IMPG2: variants seen among roughly 807,000 people sequenced by gnomAD.
The protein encoded by IMPG2 is IPM 200.
A neutral mutation model predicts 129.2 loss-of-function variants in IMPG2; 91 were observed. The ratio of observed to expected loss-of-function variants is 0.70; its 90% confidence interval spans 0.59 to 0.84. IMPG2 has a LOEUF of 0.84. Ranked by LOEUF, IMPG2 falls within the 40% of genes least tolerant of loss-of-function variation. The pLI, the probability that IMPG2 is intolerant of heterozygous loss-of-function variation, is 0.00. For synonymous variants in IMPG2, 510 were observed against 517.7 expected (o/e 0.99, Z 0.20); for missense variants, 1,430 against 1,461.7 (o/e 0.98, Z 0.35).
At chr3:101,309,595 C>G (rs1707239652) in intron 2 of IMPG2, among the ~76,000 whole-genome samples, 1 of 152,114 alleles carries the variant, frequency 6.6e-6, no homozygotes, top group South Asian at 2.1e-4. Flanking sequence ...AACCACCCCC[C>G]ATGATCTAAT....
At chr3:101,316,205 C>T (rs1235302645) in intron 2 of IMPG2, among the ~76,000 whole-genome samples, 1 of 151,830 alleles carries the variant, frequency 6.6e-6, no homozygotes, top group Non-Finnish European at 1.5e-5. Flanking sequence ...CTTGGGTTAG[C>T]AAACTAAGAT....
In IMPG2 at chr3:101,223,646, G is replaced by A. The variant is rs566927329; in HGVS notation, c.*3323C>T. 1 of 152,308 alleles carries A rather than the reference G, an allele frequency of 6.6e-6. No individual in the cohort carries two copies. Among genetic ancestry groups the A allele is most frequent in the East Asian group, 1.9e-4 (1 of 5,186 alleles). 9.4% of individuals were successfully genotyped at this position (152,308 alleles called of 1,614,324 possible). A position where few individuals can be genotyped will look rare whatever the true frequency, so the allele number is the denominator to read the frequency against. ...CTTTTAGAGCCTACAAAGAATATTTGTGCAGTTTCCAGCTTTTTGTTAGAG... is the reference window on the plus strand; with the variant it reads ...CTTTTAGAGCCTACAAAGAATATTTATGCAGTTTCCAGCTTTTTGTTAGAG... On this transcript the variant is annotated 3_prime_UTR_variant, in exon 19 of 19. Coordinates refer to ENST00000193391, the MANE Select transcript of IMPG2 (RefSeq NM_016247.4).
At chr3:101,319,003 T>G (rs992952884) in intron 2 of IMPG2, among the ~76,000 whole-genome samples, 5 of 152,080 alleles carry the variant, frequency 3.3e-5, no homozygotes, top group African/African-American at 1.2e-4. Flanking sequence ...CTGCAGAATA[T>G]CTAAACTATA....
At position 101,281,179 on chromosome 3, in the gene IMPG2, G is replaced by T. The variant is rs149452520; in HGVS notation, c.534-4466C>A. On this transcript the variant is annotated intron_variant, in intron 4 of 18. Coordinates refer to ENST00000193391, the MANE Select transcript of IMPG2 (RefSeq NM_016247.4). The stretch of plus-strand genomic sequence containing the variant: ...ATATCCTAGGATGAGCCTTGCACTC[G>T]TTATTGGGGATGTAACCGTAAAACC... 6.8e-3 allele frequency among the ~76,000 whole-genome samples: 1,039 copies of T among 152,292 alleles called. 11 individuals carry two copies. Among genetic ancestry groups the T allele is most frequent in the African/African-American group, 0.017 (726 of 41,556 alleles).
Position 101,228,841 on chromosome 3 carries a change from A to C in IMPG2, c.3669T>G (p.Tyr1223Ter). 2 of 1,614,020 alleles carry C rather than the reference A, an allele frequency of 1.2e-6. No homozygotes were observed. The highest frequency in any genetic ancestry group is 1.7e-6 in the Non-Finnish European group (2 of 1,179,914). Residue 1223 changes from tyrosine (Y) to a stop codon, truncating the protein, a stop_gained, in exon 18 of 19, where the codon TAT becomes TAG. Transcript: ENST00000193391. LOFTEE classifies it high-confidence loss of function. ...IQERMRVLEL[Y>*]ANDPEFAAFV... ...AAGCTGCAAACTCAGGATCATTGGC[A>C]TACAGTTCCAAAACTCTCATTCTCT...
In IMPG2 at chr3:101,269,564, C is replaced by A. The variant is rs777933245; in HGVS notation, c.838G>T (p.Ala280Ser). 2.5e-5 allele frequency: 40 copies of A among 1,581,352 alleles called. No individual in the cohort carries two copies. Among genetic ancestry groups the A allele is most frequent in the African/African-American group, 2.7e-5 (2 of 74,188 alleles). ...TTGTAGCCTGGTAACCCAGTAAATG[C>A]ATTTTCAACCTGTTAAAAGTACAAA... The part of the protein sequence containing the change: ...EEEFISEVEN[A>S]FTGLPGYKEI... Residue 280 changes from alanine (A) to serine (S), a missense_variant, in exon 8 of 19, where the codon GCA becomes TCA. Ala to Ser is a moderately conservative substitution (Grantham distance 99, BLOSUM62 1). Transcript: ENST00000193391.
intron 3 of IMPG2, among the ~76,000 whole-genome samples, chr3:101,294,012 G>C (rs545512854): frequency 6.6e-6 from 1 of 152,132 alleles, no homozygotes; most frequent in Non-Finnish European, 1.5e-5. Context: ...CAGCAAGAAG[G>C]CTGTTTTGCT....
Position 101,257,610 on chromosome 3 carries a change from T to C in IMPG2, c.1072A>G (p.Ile358Val). ...VYTISNFRDY[I>V]AETLQQNFLL... ...AAATTCTGCTGCAATGTCTCAGCAA[T>C]ATAATCTCTGAAGTTACTGATTGTA... is the stretch of plus-strand genomic sequence containing the variant. Residue 358 changes from isoleucine to valine, a missense_variant, in exon 10 of 19, where the codon ATT becomes GTT. Coordinates refer to ENST00000193391, the MANE Select transcript of IMPG2 (RefSeq NM_016247.4). 6.2e-7 allele frequency: 1 copy of C among 1,613,406 alleles called. No individual in the cohort carries two copies. The highest frequency in any genetic ancestry group is 8.5e-7 in the Non-Finnish European group (1 of 1,179,548).
chr3:101,301,521 T>G (rs1409582007), intron 3 of IMPG2, among the ~76,000 whole-genome samples: 2 of 152,224 alleles, frequency 1.3e-5, no homozygotes, highest in Non-Finnish European at 2.9e-5. Flanking sequence ...CATACCCAAA[T>G]AGCAAACAAT....
intron 3 of IMPG2, among the ~76,000 whole-genome samples, chr3:101,299,866 G>A (rs1371019490): frequency 6.6e-6 from 1 of 152,102 alleles, no homozygotes; most frequent in African/African-American, 2.4e-5. Context: ...CCTGTTGGAG[G>A]GTCTCACCCA....
chr3:101,239,529 T>C (rs1182305533), intron 14 of IMPG2, among the ~76,000 whole-genome samples: 3 of 152,216 alleles, frequency 2.0e-5, no homozygotes, highest in Non-Finnish European at 2.9e-5. Flanking sequence ...AGTGTGGTGA[T>C]TCCTTAAGGA....
At chr3:101,308,641 T>C (rs1373623380) in intron 2 of IMPG2, among the ~76,000 whole-genome samples, 1 of 152,254 alleles carries the variant, frequency 6.6e-6, no homozygotes, top group African/African-American at 2.4e-5. Context: ...TGAGAGGGGC[T>C]GCTGTGAAGA....
At chr3:101,310,576 A>C (rs1267793052) in intron 2 of IMPG2, among the ~76,000 whole-genome samples, 1 of 13,816 alleles carries the variant, frequency 7.2e-5, no homozygotes, top group African/African-American at 1.1e-4. Flanking sequence ...AAAAAAAAAA[A>C]AAAAAAAAAA....
intron 15 of IMPG2, 83 bp downstream of exon 15, chr3:101,232,698 T>A (rs764382964): frequency 9.0e-7 from 1 of 1,115,174 alleles, no homozygotes; most frequent in Non-Finnish European, 1.4e-6. Flanking sequence ...ATAATAAGTA[T>A]CCTAAAATTA....
Position 101,304,049 on chromosome 3 carries a change from A to G in IMPG2, c.501+97T>C, listed in dbSNP as rs1707163956. On this transcript the variant is annotated intron_variant, in intron 3 of 18. Transcript: ENST00000193391. ...TAGCCCAATTCAACAAAAGAGTAAT[A>G]CAGGCATTTGCCACTTGCTTTTGCT... 8 of 1,268,692 alleles carry G rather than the reference A, an allele frequency of 6.3e-6. No homozygotes were observed. In the Middle Eastern group the frequency reaches 7.3e-4, roughly 115 times the overall value. 78.6% of individuals were successfully genotyped at this position (1,268,692 alleles called of 1,614,324 possible).
Position 101,243,639 on chromosome 3 carries a change from C to T in IMPG2, c.2692G>A (p.Ala898Thr). ...CGGAGGCTGAAGAAAACCACCAAAG[C>T]TCCTGAAGTCTGGGTATAACTCAAG... Reference protein sequence around the residue: ...DDLSYTQTSGALVVFFSLRVT... With the variant: ...DDLSYTQTSGTLVVFFSLRVT... The change falls in exon 13 of 19, where the codon GCT (alanine) becomes ACT (threonine). Residue 898 changes from alanine to threonine, a missense_variant. Coordinates refer to ENST00000193391, the MANE Select transcript of IMPG2 (RefSeq NM_016247.4). The T allele has an allele frequency of 1.2e-6, 2 of 1,613,984 alleles. No individual in the cohort carries two copies. The highest frequency in any genetic ancestry group is 1.7e-6 in the Non-Finnish European group (2 of 1,179,966).
intron 14 of IMPG2, among the ~76,000 whole-genome samples, chr3:101,234,678 A>T (rs1706327052): frequency 6.6e-6 from 1 of 152,172 alleles, no homozygotes; most frequent in African/African-American, 2.4e-5. Flanking sequence ...GTAATCAGAA[A>T]ATAATCTGAT....
At chr3:101,257,833 T>C (rs924981358) in intron 9 of IMPG2, 60 bp from the exon 10 acceptor site, 128 of 1,585,608 alleles carry the variant, frequency 8.1e-5, no homozygotes, top group Non-Finnish European at 9.9e-5. Context: ...GAAAGGAGCA[T>C]TGAACCCATG....
chr3:101,288,137 C>G (rs1459356976), intron 4 of IMPG2, among the ~76,000 whole-genome samples: 1 of 152,132 alleles, frequency 6.6e-6, no homozygotes, highest in African/African-American at 2.4e-5. Flanking sequence ...AAAAAATGCT[C>G]AGCATCAGTA....
Sources: gnomAD v4.1 joint callset for allele counts (sites outside exome capture counted in the v4.1 genomes callset) on GRCh38, gnomAD v4.1.1 for gene constraint, MANE v1.5 for transcripts, NCBI Gene and HGNC (gene_info 2026-07-23, HGNC 2026-07-21) for gene names.